The following FOXN4 variants were observed in gnomAD, a reference collection of about 807,000 sequenced individuals.
FOXN4 encodes the protein forkhead box N4.
FOXN4 carries 12 observed loss-of-function variants against 45.0 expected under a neutral mutation model. The ratio of observed to expected loss-of-function variants is 0.27; its 90% CI spans 0.17 to 0.43. The LOEUF (loss-of-function observed/expected upper bound fraction) is 0.43. Ranked by LOEUF, FOXN4 falls within the 20% of genes least tolerant of loss-of-function variation. FOXN4 has a pLI of 1.00. For synonymous variants in FOXN4, 297 were observed against 295.0 expected (o/e 1.01, Z -0.07); for missense variants, 560 against 694.9 (o/e 0.81, Z 2.18).
rs957139813 is a variant in FOXN4, at chr12:109,291,794, G to A, written c.87-1508C>T. Reference sequence around the variant, plus strand: ...GATTTGAAAACGCGGCCGGCCGGCCGTGTCAGTGGCAGCAGTTGGTCCGGC... The same window carrying A: ...GATTTGAAAACGCGGCCGGCCGGCCATGTCAGTGGCAGCAGTTGGTCCGGC... On this transcript the variant is annotated intron_variant, in intron 2 of 9. Coordinates refer to ENST00000299162, the MANE Select transcript of FOXN4 (RefSeq NM_213596.3). This position sits in a 1 kb window ranked among gnomAD's most constrained non-coding sequence, Gnocchi z 6.6. Among the ~76,000 whole-genome samples, 2 of 152,112 alleles carry A rather than the reference G, an allele frequency of 1.3e-5. No individual in the cohort carries two copies. The highest frequency in any genetic ancestry group is 1.5e-5 in the Non-Finnish European group (1 of 68,016).
At position 109,287,438 on chromosome 12, in the gene FOXN4, T is replaced by A. The variant is rs1278225053; in HGVS notation, c.555A>T (p.Glu185Asp). Reference protein sequence around the residue: ...QPHVAVHSSQELHPKHYPKPI... With the variant: ...QPHVAVHSSQDLHPKHYPKPI... Reference sequence around the variant, plus strand: ...GCTTGGGGTAGTGTTTGGGGTGCAGTTCTTGAGATGAATGCACAGCCACGT... The same window carrying A: ...GCTTGGGGTAGTGTTTGGGGTGCAGATCTTGAGATGAATGCACAGCCACGT... The change falls in exon 6 of 10, where the codon GAA (glutamate) becomes GAT (aspartate). Residue 185 changes from glutamate (E) to aspartate (D), a missense_variant. Transcript: ENST00000299162. The surrounding 1 kb of genome is among the most constrained non-coding windows in gnomAD (Gnocchi z 4.1). 1 of 1,551,480 alleles carries A rather than the reference T, an allele frequency of 6.4e-7. No individual in the cohort carries two copies. The highest frequency in any genetic ancestry group is 2.4e-5 in the East Asian group (1 of 40,892).
intron 3 of FOXN4, among the ~76,000 whole-genome samples, chr12:109,289,730 T>G (rs1295915391): frequency 6.6e-6 from 1 of 152,238 alleles, no homozygotes; most frequent in African/African-American, 2.4e-5. Context: ...AAGGGCCAGA[T>G]GGCAAATATT....
At chr12:109,300,522 C>T (rs187337622) in intron 2 of FOXN4, among the ~76,000 whole-genome samples, 104 of 152,286 alleles carry the variant, frequency 6.8e-4, no homozygotes, top group South Asian at 4.8e-3. Flanking sequence ...GAACCAGGGA[C>T]GCACTCAGAG....
chr12:109,281,682 C>G lies in FOXN4; in HGVS notation c.1019G>C (p.Cys340Ser). ...GGGTGGGAGCTGGGAGACAGCCAGG[C>G]AGCCATGCGCCACGGCCACTGTGGT... ...HATTVAVAHG[C>S]LAVSQLPPQP... The change falls in exon 9 of 10, where the codon TGC (cysteine) becomes TCC (serine). Residue 340 changes from cysteine to serine, a missense_variant. Physicochemically the swap from Cys to Ser is moderately radical, Grantham distance 112 (BLOSUM62 -1). Around this residue, in one of 5 missense-constraint regions of FOXN4, gnomAD observed 315 missense variants for 350.5 expected, o/e 0.90. Coordinates refer to ENST00000299162, the MANE Select transcript of FOXN4 (RefSeq NM_213596.3). The G allele has an allele frequency of 6.2e-7, 1 of 1,610,304 alleles. No individual in the cohort carries two copies. The highest frequency in any genetic ancestry group is 8.5e-7 in the Non-Finnish European group (1 of 1,178,776).
chr12:109,293,737 C>T (rs1292820334), intron 2 of FOXN4, among the ~76,000 whole-genome samples: 1 of 152,204 alleles, frequency 6.6e-6, no homozygotes, highest in East Asian at 1.9e-4. Flanking sequence ...ACCTTGTGAT[C>T]CGCCCATCTT....
chr12:109,308,586 G>A (rs2047941327), intron 1 of FOXN4, among the ~76,000 whole-genome samples: 1 of 152,076 alleles, frequency 6.6e-6, no homozygotes, highest in African/African-American at 2.4e-5. Context: ...GAAGAGCAAG[G>A]GAAGCTCTAG....
intron 2 of FOXN4, among the ~76,000 whole-genome samples, chr12:109,304,726 C>T (rs1036501484): frequency 2.6e-5 from 4 of 152,202 alleles, no homozygotes; most frequent in Admixed American, 1.3e-4. Context: ...GGCGGCTGCA[C>T]GAGAGGCTGG....
In FOXN4 at chr12:109,291,331, C is replaced by T. The variant is rs566874871; in HGVS notation, c.87-1045G>A. ...TGGTGCAGACCAGCCCAGGAGCACA[C>T]GCCCGACTCCACCACATCTGCCACC... On this transcript the variant is annotated intron_variant, in intron 2 of 9. Transcript: ENST00000299162. This position sits in a 1 kb window ranked among gnomAD's most constrained non-coding sequence, Gnocchi z 6.6. 3.3e-5 allele frequency among the ~76,000 whole-genome samples: 5 copies of T among 152,076 alleles called. No homozygotes were observed. Among genetic ancestry groups the T allele is most frequent in the East Asian group, 1.9e-4 (1 of 5,174 alleles).
Position 109,281,770 on chromosome 12 carries a change from G to T in FOXN4, c.931C>A (p.Pro311Thr). The T allele has an allele frequency of 6.3e-7, 1 of 1,595,572 alleles. No homozygotes were observed. The highest frequency in any genetic ancestry group is 8.5e-7 in the Non-Finnish European group (1 of 1,172,788). The change falls in exon 9 of 10, where the codon CCT becomes ACT. Residue 311 changes from proline (P) to threonine (T), a missense_variant. Pro to Thr is a conservative substitution (Grantham distance 38). Around this residue, in one of 5 missense-constraint regions of FOXN4, gnomAD observed 315 missense variants for 350.5 expected, o/e 0.90. Coordinates refer to ENST00000299162, the MANE Select transcript of FOXN4 (RefSeq NM_213596.3). ...TTGCCGGGGCGCCGGCAGCTTTCAG[G>T]CCGGTCGGAGATCAGCTTGTCCAAC... is the stretch of plus-strand genomic sequence containing the variant. The part of the protein sequence containing the change: ...EELDKLISDR[P>T]ESCRRPGKPG...
At chr12:109,286,541 C>G (rs1054861666) in intron 7 of FOXN4, 107 bp downstream of exon 7, 206 of 1,057,794 alleles carry the variant, frequency 1.9e-4, no homozygotes, top group Non-Finnish European at 2.3e-4. Flanking sequence ...GATGTACAGA[C>G]ATAACTGGGA....
At chr12:109,284,925 C>T (rs1310136478) in intron 8 of FOXN4, among the ~76,000 whole-genome samples, 3 of 143,708 alleles carry the variant, frequency 2.1e-5, no homozygotes, top group South Asian at 2.2e-4. Context: ...TGTGTGTGTG[C>T]GTGCTGCAAG....
rs2047762502 is a variant in FOXN4 at position 109,291,021 on chromosome 12, AG to A, written c.87-736del. Among the ~76,000 whole-genome samples the A allele has an allele frequency of 2.6e-5, 4 of 152,134 alleles. No individual in the cohort carries two copies. The stretch of plus-strand genomic sequence containing the variant: ...TCACCTGCCCAAGGCGACACAGAAC[AG>A]GAGGTGGTGGGGCTGAGACCCAGTC... On this transcript the variant is annotated intron_variant, in intron 2 of 9. Transcript: ENST00000299162. This position sits in a 1 kb window ranked among gnomAD's most constrained non-coding sequence, Gnocchi z 6.6.
rs763175655 is a variant in FOXN4 at position 109,281,772 on chromosome 12, C to T, written c.929G>A (p.Arg310Gln). The T allele has an allele frequency of 3.8e-6, 6 of 1,593,928 alleles. No individual in the cohort carries two copies. Among genetic ancestry groups the T allele is most frequent in the South Asian group, 1.1e-5 (1 of 89,240 alleles). The change falls in exon 9 of 10, where the codon CGG becomes CAG. Residue 310 changes from arginine (R) to glutamine (Q), a missense_variant. Arg to Gln is a conservative substitution (Grantham distance 43). Transcript: ENST00000299162. ...GCCGGGGCGCCGGCAGCTTTCAGGC[C>T]GGTCGGAGATCAGCTTGTCCAACTC... ...PEELDKLISD[R>Q]PESCRRPGKP...
chr12:109,288,758 T>G lies in FOXN4; in HGVS notation c.233-578A>C, dbSNP rs1184926349. 6.6e-6 allele frequency among the ~76,000 whole-genome samples: 1 copy of G among 152,226 alleles called. No individual in the cohort carries two copies. Among genetic ancestry groups the G allele is most frequent in the African/African-American group, 2.4e-5 (1 of 41,454 alleles). On this transcript the variant is annotated intron_variant, in intron 3 of 9. Transcript: ENST00000299162. The surrounding 1 kb of genome is among the most constrained non-coding windows in gnomAD (Gnocchi z 4.3). ...TTGCTAATCTATCACAGATTCTTACTGCTCTAGCCTGATTTTAGGCAGCCA... is the reference window on the plus strand; with the variant it reads ...TTGCTAATCTATCACAGATTCTTACGGCTCTAGCCTGATTTTAGGCAGCCA...
chr12:109,299,878 A>T (rs1198960723), intron 2 of FOXN4, among the ~76,000 whole-genome samples: 3 of 152,200 alleles, frequency 2.0e-5, no homozygotes, highest in Non-Finnish European at 2.9e-5. Context: ...GGGGCAGCCC[A>T]GCCCCGGGTC....
At chr12:109,283,419 T>G (rs1459977895) in intron 8 of FOXN4, among the ~76,000 whole-genome samples, 1 of 152,108 alleles carries the variant, frequency 6.6e-6, no homozygotes, top group Non-Finnish European at 1.5e-5. Flanking sequence ...TTTTAAAATA[T>G]GATCTTGCTG....
intron 2 of FOXN4, among the ~76,000 whole-genome samples, chr12:109,299,971 T>C (rs1381591183): frequency 6.6e-6 from 1 of 152,172 alleles, no homozygotes; most frequent in African/African-American, 2.4e-5. Context: ...TCTGGCCACT[T>C]AGCAGCTGTG....
At chr12:109,303,338 C>T (rs189312450) in intron 2 of FOXN4, among the ~76,000 whole-genome samples, 29 of 152,348 alleles carry the variant, frequency 1.9e-4, no homozygotes, top group Non-Finnish European at 3.2e-4. Context: ...GTGAAGCCAC[C>T]TGATATGGGT....
In FOXN4 at chr12:109,308,818, C is replaced by T. The variant is rs550863201; in HGVS notation, c.-4+301G>A. Among the ~76,000 whole-genome samples the T allele has an allele frequency of 1.2e-3, 182 of 152,270 alleles. 1 individual carries two copies. Among genetic ancestry groups the T allele is most frequent in the Non-Finnish European group, 2.4e-4 (16 of 68,024 alleles). On this transcript the variant is annotated intron_variant, in intron 1 of 9. Transcript: ENST00000299162. Reference sequence around the variant, plus strand: ...CCCTGAAATGCCTTCAGAAATGCCACAAGCCCTTACTGGAAAACCAATCCA... The same window carrying T: ...CCCTGAAATGCCTTCAGAAATGCCATAAGCCCTTACTGGAAAACCAATCCA...
Sources: gnomAD v4.1 joint callset for allele counts (sites outside exome capture counted in the v4.1 genomes callset) on GRCh38, gnomAD v4.1.1 for gene constraint, gnomAD v4.1.1 regional missense constraint, Gnocchi (gnomAD v3.1) non-coding constraint, MANE v1.5 for transcripts, NCBI Gene and HGNC (gene_info 2026-07-23, HGNC 2026-07-21) for gene names.